RCC2: variants seen among roughly 807,000 people sequenced by gnomAD.
RCC2 encodes the protein protein RCC2.
RCC2 carries 19 observed loss-of-function variants against 64.1 expected under a neutral mutation model. The observed-to-expected ratio is 0.30, with a 90% CI of 0.21 to 0.44. The LOEUF (loss-of-function observed/expected upper bound fraction) is 0.44. RCC2 is among the 20% of genes least tolerant of loss of function. The pLI is 1.00. For missense variants in RCC2, 508 were observed against 710.4 expected, an observed-to-expected ratio of 0.72 and a Z score of 3.24; for synonymous variants, 325 against 279.6, an observed-to-expected ratio of 1.16 and a Z score of -1.62.
chr1:17,439,330 CT>C (rs34171604), intron 1 of RCC2, among the ~76,000 whole-genome samples: 46,972 of 139,248 alleles, frequency 0.34, 8,336 homozygotes, highest in African/African-American at 0.47. Context: ...CCCCTGTCTG[CT>C]TTTTTTTTTT....
intron 11 of RCC2, among the ~76,000 whole-genome samples, 169 bp downstream of exon 11, chr1:17,411,953 C>T (rs1378260117): frequency 6.6e-6 from 1 of 152,208 alleles, no homozygotes; most frequent in Non-Finnish European, 1.5e-5. Context: ...ACAGAATTGT[C>T]CTTGAAAACT....
In RCC2 at chr1:17,410,054, G is replaced by A. The variant is rs1296648711; in HGVS notation, c.1387-3C>T. ...TTGGGCTTGTGGTCCCCGTAGCCCT[G>A]GCGAAGCAAACAAGATGTTCGCAAT... On this transcript the variant is annotated splice_polypyrimidine_tract_variant and splice_region_variant and intron_variant, in intron 11 of 12. Coordinates refer to ENST00000375436, the MANE Select transcript of RCC2 (RefSeq NM_018715.4). The A allele has an allele frequency of 6.2e-7, 1 of 1,613,660 alleles. No individual in the cohort carries two copies. The highest frequency in any genetic ancestry group is 1.7e-5 in the Admixed American group (1 of 60,008).
chr1:17,428,307 C>T (rs1009808963), intron 3 of RCC2, among the ~76,000 whole-genome samples: 5 of 152,238 alleles, frequency 3.3e-5, no homozygotes, highest in African/African-American at 1.2e-4. Context: ...CTGGCTTGGG[C>T]CTGAAGGCTG....
chr1:17,438,537 G>T lies in RCC2; in HGVS notation c.-8-15C>A, dbSNP rs764161293. 7.6e-7 allele frequency: 1 copy of T among 1,311,878 alleles called. No individual in the cohort carries two copies. The highest frequency in any genetic ancestry group is 9.7e-7 in the Non-Finnish European group (1 of 1,031,914). The allele number at this position is 1,311,878 out of a possible 1,614,324, so 81.3% of individuals were successfully genotyped here. The stretch of plus-strand genomic sequence containing the variant: ...CATGGTCGCGGCTGGAGGGAGACAC[G>T]GGGCAGCGGCGCACAATGGACGGGT... On this transcript the variant is annotated splice_polypyrimidine_tract_variant and intron_variant, in intron 1 of 12. Coordinates refer to ENST00000375436, the MANE Select transcript of RCC2 (RefSeq NM_018715.4).
Position 17,410,030 on chromosome 1 carries a change from T to C in RCC2, c.1408A>G (p.Lys470Glu), listed in dbSNP as rs1157920111. 1 of 1,613,904 alleles carries C rather than the reference T, an allele frequency of 6.2e-7. No homozygotes were observed. ...ACCTCCTGGGCTGCAGTGGAAGACT[T>C]GGGCTTGTGGTCCCCGTAGCCCTGG... Reference protein sequence around the residue: ...GELGYGDHKPKSSTAAQEVKT... With the variant: ...GELGYGDHKPESSTAAQEVKT... Residue 470 changes from lysine to glutamate, a missense_variant, in exon 12 of 13, where the codon AAG (lysine) becomes GAG (glutamate). Physicochemically the swap from Lys to Glu is moderately conservative, Grantham distance 56. Around this residue, in one of 4 missense-constraint regions of RCC2, gnomAD observed 179 missense variants for 322.0 expected, o/e 0.56. Coordinates refer to ENST00000375436, the MANE Select transcript of RCC2 (RefSeq NM_018715.4).
intron 4 of RCC2, among the ~76,000 whole-genome samples, chr1:17,424,690 T>A (rs1357582519): frequency 6.6e-6 from 1 of 152,144 alleles, no homozygotes; most frequent in Non-Finnish European, 1.5e-5. Context: ...AAAATAAAAA[T>A]GCAGTCATAT....
intron 12 of RCC2, 77 bp downstream of exon 12, chr1:17,409,897 G>T: frequency 8.0e-7 from 1 of 1,251,520 alleles, no homozygotes. Flanking sequence ...AACAGACTGC[G>T]ATGATCAAAA....
chr1:17,416,672 C>T (rs1280321204), intron 7 of RCC2, 26 bp from the exon 8 acceptor site: 6 of 1,591,962 alleles, frequency 3.8e-6, no homozygotes, highest in African/African-American at 1.3e-5. Context: ...AGCCGGCCAT[C>T]AGCAGCAGCA....
intron 2 of RCC2, among the ~76,000 whole-genome samples, chr1:17,430,108 C>G (rs917127045): frequency 6.6e-6 from 1 of 152,188 alleles, no homozygotes; most frequent in African/African-American, 2.4e-5. Context: ...TCACTCAGTC[C>G]ACACTGGCAA....
At chr1:17,422,387 A>C in intron 5 of RCC2, 96 bp from the exon 6 acceptor site, 2 of 1,172,488 alleles carry the variant, frequency 1.7e-6, no homozygotes, top group South Asian at 1.4e-5. Flanking sequence ...AAAACAGCTC[A>C]TTTGCCAGGC....
At chr1:17,424,189 G>A (rs6681150) in intron 4 of RCC2, among the ~76,000 whole-genome samples, 53,990 of 152,002 alleles carry the variant, frequency 0.36, 9,692 homozygotes, top group South Asian at 0.41. Context: ...CACACCAGAC[G>A]CCGCCCCCTG....
At chr1:17,431,518 A>AAAAAAG (rs2075681317) in intron 2 of RCC2, among the ~76,000 whole-genome samples, 1 of 144,724 alleles carries the variant, frequency 6.9e-6, no homozygotes, top group African/African-American at 2.5e-5. Flanking sequence ...AAAAAAAAAA[A>AAAAAAG]AAAGAAAGAA....
At chr1:17,435,079 G>GGA (rs2075721994) in intron 2 of RCC2, among the ~76,000 whole-genome samples, 2 of 152,174 alleles carry the variant, frequency 1.3e-5, no homozygotes, top group Admixed American at 6.5e-5. Context: ...CTCCAGCCTG[G>GGA]GAGACAGAGC....
At chr1:17,437,176 T>C (rs994368516) in intron 2 of RCC2, among the ~76,000 whole-genome samples, 10 of 152,226 alleles carry the variant, frequency 6.6e-5, no homozygotes, top group Admixed American at 4.6e-4. Flanking sequence ...AAATGTGTTA[T>C]TAGACACTGC....
chr1:17,432,676 G>A (rs1341678035), intron 2 of RCC2, among the ~76,000 whole-genome samples: 4 of 152,262 alleles, frequency 2.6e-5, no homozygotes, highest in Non-Finnish European at 5.9e-5. Context: ...GAGCTTAACC[G>A]CAGTGGCCTT....
Position 17,409,033 on chromosome 1 carries a change from C to A in RCC2, c.*57G>T. ...CCTCGTTTGACTTCCCGTCCCAGTG[C>A]ACATGGAAATGACAGCTGCCGCGAG... is the stretch of plus-strand genomic sequence containing the variant. On this transcript the variant is annotated 3_prime_UTR_variant, in exon 13 of 13. Transcript: ENST00000375436. The A allele has an allele frequency of 1.6e-6, 2 of 1,271,932 alleles. No homozygotes were observed. Among genetic ancestry groups the A allele is most frequent in the South Asian group, 1.2e-5 (1 of 84,166 alleles). 78.8% of individuals were successfully genotyped at this position (1,271,932 alleles called of 1,614,324 possible).
rs2075567997 is a variant in RCC2 at position 17,422,647 on chromosome 1, G to A, written c.655+58C>T. 11 of 1,603,772 alleles carry A rather than the reference G, an allele frequency of 6.9e-6. No homozygotes were observed. In the South Asian group the frequency reaches 7.7e-5, roughly 11 times the overall value. ...CCACCACCCCACGCCCCATCCCCAA[G>A]GCAGACCACCTGGCCTCTTGCCAAA... On this transcript the variant is annotated intron_variant, in intron 5 of 12. Transcript: ENST00000375436.
chr1:17,416,386 G>C (rs2075485269), intron 8 of RCC2, 94 bp downstream of exon 8: 2 of 1,396,372 alleles, frequency 1.4e-6, no homozygotes, highest in East Asian at 4.6e-5. Flanking sequence ...CCTGGGATCA[G>C]TTCCTAGCCA....
chr1:17,429,787 G>A (rs1229879792), intron 2 of RCC2, among the ~76,000 whole-genome samples: 1 of 152,194 alleles, frequency 6.6e-6, no homozygotes, highest in African/African-American at 2.4e-5. Flanking sequence ...GGCGGCCTTT[G>A]ATGGCACCCT....
Sources: gnomAD v4.1 joint callset for allele counts (sites outside exome capture counted in the v4.1 genomes callset) on GRCh38, gnomAD v4.1.1 for gene constraint, gnomAD v4.1.1 regional missense constraint, MANE v1.5 for transcripts, NCBI Gene and HGNC (gene_info 2026-07-23, HGNC 2026-07-21) for gene names.